The following PTK2 variants were observed in gnomAD, a reference collection of about 807,000 sequenced individuals.
The protein encoded by PTK2 is protein tyrosine kinase 2.
A neutral mutation model predicts 150.1 loss-of-function variants in PTK2; 45 were observed. The ratio of observed to expected loss-of-function variants is 0.30; its 90% CI spans 0.24 to 0.38. The LOEUF is 0.38. PTK2 is among the 10% of genes least tolerant of loss of function. PTK2 has a pLI of 1.00. For synonymous variants in PTK2, 432 were observed against 449.2 expected, an observed-to-expected ratio of 0.96 and a Z score of 0.48; for missense variants, 919 against 1,307.3, an observed-to-expected ratio of 0.70 and a Z score of 4.58.
intron 1 of PTK2, among the ~76,000 whole-genome samples, chr8:140,992,370 A>G (rs893909334): frequency 2.6e-5 from 4 of 151,804 alleles, no homozygotes. Context: ...CTTGGGAGGC[A>G]GAAGCAGGAG....
chr8:140,920,784 A>C (rs1026303456), intron 2 of PTK2: 5 of 1,450,260 alleles, frequency 3.4e-6, no homozygotes, highest in Non-Finnish European at 4.5e-6. Flanking sequence ...AATTCAAATA[A>C]AACGGAACAT....
At chr8:140,880,343 C>T (rs1040888640) in intron 3 of PTK2, among the ~76,000 whole-genome samples, 3 of 152,216 alleles carry the variant, frequency 2.0e-5, no homozygotes, top group African/African-American at 7.2e-5. Context: ...GGTGAAATTT[C>T]TCCTGGAGCA....
chr8:140,987,570 T>C (rs2100193784), intron 1 of PTK2, among the ~76,000 whole-genome samples: 1 of 152,162 alleles, frequency 6.6e-6, no homozygotes, highest in Non-Finnish European at 1.5e-5. Flanking sequence ...TATCAGTCAT[T>C]TGGGAAACGC....
chr8:140,794,804 G>A (rs548087510), intron 12 of PTK2, among the ~76,000 whole-genome samples: 57 of 152,212 alleles, frequency 3.7e-4, no homozygotes, highest in Non-Finnish European at 7.2e-4. Context: ...GTTTCAAAGC[G>A]TCAAATACCA....
At chr8:140,913,275 G>A (rs1383640352) in intron 2 of PTK2, among the ~76,000 whole-genome samples, 5 of 150,466 alleles carry the variant, frequency 3.3e-5, no homozygotes, top group Non-Finnish European at 7.4e-5. Context: ...CTATATACTA[G>A]GCCAAGAATT....
chr8:140,773,150 T>TA (rs1408132461), intron 14 of PTK2, among the ~76,000 whole-genome samples: 1 of 152,204 alleles, frequency 6.6e-6, no homozygotes, highest in African/African-American at 2.4e-5. Context: ...GTGAATTTTT[T>TA]AAAAAAGTAC....
intron 3 of PTK2, among the ~76,000 whole-genome samples, chr8:140,887,219 T>C (rs1212568774): frequency 3.3e-5 from 5 of 152,154 alleles, no homozygotes; most frequent in Admixed American, 1.3e-4. Context: ...GGAGAGTGCT[T>C]GTGTGACCCT....
At chr8:140,884,782 G>A (rs1379658403) in intron 3 of PTK2, among the ~76,000 whole-genome samples, 1 of 152,116 alleles carries the variant, frequency 6.6e-6, no homozygotes, top group African/African-American at 2.4e-5. Context: ...TGAACACAAC[G>A]TTACTTCCCA....
At chr8:140,916,503 A>G (rs2100165333) in intron 2 of PTK2, among the ~76,000 whole-genome samples, 1 of 152,078 alleles carries the variant, frequency 6.6e-6, no homozygotes, top group South Asian at 2.1e-4. Context: ...TCTTCAATAA[A>G]ATGCACCTTT....
At chr8:140,968,083 T>G (rs748420981) in intron 1 of PTK2, among the ~76,000 whole-genome samples, 1 of 152,258 alleles carries the variant, frequency 6.6e-6, no homozygotes, top group Non-Finnish European at 1.5e-5. Flanking sequence ...GTGGGAATAC[T>G]GTGTCTCATT....
At chr8:140,699,704 C>T (rs536598771) in intron 26 of PTK2, among the ~76,000 whole-genome samples, 1 of 152,204 alleles carries the variant, frequency 6.6e-6, no homozygotes, top group South Asian at 2.1e-4. Flanking sequence ...AATGCAAAAA[C>T]CAAACAAATG....
At chr8:140,917,089 C>A (rs2100165548) in intron 2 of PTK2, among the ~76,000 whole-genome samples, 1 of 152,086 alleles carries the variant, frequency 6.6e-6, no homozygotes, top group African/African-American at 2.4e-5. Context: ...TGAGGTAAAG[C>A]AGAAAGAAAC....
At chr8:140,803,798 C>A in intron 10 of PTK2, 148 bp from the exon 11 acceptor site, 2 of 697,854 alleles carry the variant, frequency 2.9e-6, no homozygotes, top group Non-Finnish European at 4.8e-6. Context: ...TCCATGCTGC[C>A]CCAGGGGAGC....
At chr8:140,970,247 T>C (rs994997444) in intron 1 of PTK2, among the ~76,000 whole-genome samples, 1 of 152,240 alleles carries the variant, frequency 6.6e-6, no homozygotes, top group Non-Finnish European at 1.5e-5. Flanking sequence ...ACTATAATCC[T>C]GTGTATTTAA....
intron 1 of PTK2, among the ~76,000 whole-genome samples, chr8:140,974,498 AAGG>A (rs942139713): frequency 2.2e-4 from 33 of 152,338 alleles, no homozygotes; most frequent in African/African-American, 7.2e-4. Flanking sequence ...GTCTTTCGGA[AAGG>A]AGGAGAAACT....
At chr8:140,885,515 A>C (rs2100151928) in intron 3 of PTK2, among the ~76,000 whole-genome samples, 2 of 152,250 alleles carry the variant, frequency 1.3e-5, no homozygotes, top group African/African-American at 4.8e-5. Context: ...GTCAATAATA[A>C]TGATCTGAAG....
intron 7 of PTK2, among the ~76,000 whole-genome samples, chr8:140,836,090 T>C (rs945756259): frequency 6.6e-6 from 1 of 152,030 alleles, no homozygotes; most frequent in Non-Finnish European, 1.5e-5. Flanking sequence ...TTTTTTTTAA[T>C]CAGACTTTTT....
At chr8:140,971,242 T>C (rs181832897) in intron 1 of PTK2, among the ~76,000 whole-genome samples, 1 of 152,226 alleles carries the variant, frequency 6.6e-6, no homozygotes, top group Non-Finnish European at 1.5e-5. Flanking sequence ...GACAAATGAT[T>C]TGCTGCACAA....
At chr8:140,835,074 A>T (rs1318402158) in intron 7 of PTK2, among the ~76,000 whole-genome samples, 1 of 152,166 alleles carries the variant, frequency 6.6e-6, no homozygotes. Flanking sequence ...GCACCAGCTG[A>T]CTGCCATCAG....
Sources: allele counts gnomAD v4.1 joint callset (sites outside exome capture counted in the v4.1 genomes callset), GRCh38; gene constraint gnomAD v4.1.1; transcripts MANE v1.5; gene names NCBI Gene and HGNC (gene_info 2026-07-23, HGNC 2026-07-21).